BSND: variants seen among roughly 807,000 people sequenced by gnomAD.
The protein encoded by BSND is barttin.
A neutral mutation model predicts 18.8 loss-of-function variants in BSND; 13 were observed. The observed-to-expected ratio is 0.69, with a 90% CI of 0.45 to 1.10. The LOEUF (loss-of-function observed/expected upper bound fraction) is 1.10. Among genes scored for constraint, BSND ranks in the 50% least tolerant of loss-of-function variants. BSND has a pLI of 0.00. For missense variants in BSND, 379 were observed against 416.7 expected (o/e 0.91, Z 0.79); for synonymous variants, 170 against 161.8 (o/e 1.05, Z -0.39).
At position 55,012,715 on chromosome 1, in the gene BSND, G is replaced by T. The variant is rs1644428729; in HGVS notation, c.*4087G>T. Reference sequence around the variant, plus strand: ...ATGCATGTAAAAGCTTCTTGCAAGGGGTAAAGAAAGTCTGTGTGCCCAGTG... The same window carrying T: ...ATGCATGTAAAAGCTTCTTGCAAGGTGTAAAGAAAGTCTGTGTGCCCAGTG... On this transcript the variant is annotated 3_prime_UTR_variant, in exon 4 of 4. Transcript: ENST00000651561. 6.6e-6 allele frequency among the ~76,000 whole-genome samples: 1 copy of T among 152,274 alleles called. No individual in the cohort carries two copies. Among genetic ancestry groups the T allele is most frequent in the African/African-American group, 2.4e-5 (1 of 41,550 alleles).
rs1644437995 is a variant in BSND at position 55,014,218 on chromosome 1, C to T, written c.*5590C>T. ...AACAGAATTGAACCGAACCGGGTGC[C>T]CACTCTGAAGGCTCATGGCCCAGGG... On this transcript the variant is annotated 3_prime_UTR_variant, in exon 4 of 4. Transcript: ENST00000651561. 6.6e-6 allele frequency among the ~76,000 whole-genome samples: 1 copy of T among 152,166 alleles called. No individual in the cohort carries two copies. Among genetic ancestry groups the T allele is most frequent in the Non-Finnish European group, 1.5e-5 (1 of 68,024 alleles).
At chr1:55,001,700 G>A (rs996847518) in intron 1 of BSND, among the ~76,000 whole-genome samples, 1 of 152,192 alleles carries the variant, frequency 6.6e-6, no homozygotes, top group African/African-American at 2.4e-5. Context: ...AGGGGCTAGA[G>A]GTCTAGTGGG....
In BSND at chr1:55,016,204, C is replaced by T. The variant is rs1644450560; in HGVS notation, c.*7576C>T. Among the ~76,000 whole-genome samples the T allele has an allele frequency of 6.6e-6, 1 of 152,046 alleles. No individual in the cohort carries two copies. Among genetic ancestry groups the T allele is most frequent in the African/African-American group, 2.4e-5 (1 of 41,374 alleles). On this transcript the variant is annotated 3_prime_UTR_variant, in exon 4 of 4. Coordinates refer to ENST00000651561, the MANE Select transcript of BSND (RefSeq NM_057176.3). ...GTAGGAACATGTCTGAAAGAGGTTA[C>T]AGTTCCTAACGGAGAGAGAGAGACA... is the stretch of plus-strand genomic sequence containing the variant.
At chr1:55,006,437 C>T (rs1044315773) in intron 2 of BSND, among the ~76,000 whole-genome samples, 2 of 152,182 alleles carry the variant, frequency 1.3e-5, no homozygotes, top group African/African-American at 2.4e-5. Context: ...GGGTCCATGT[C>T]ACCCGGGTAC....
chr1:55,004,065 C>G (rs1644377055), intron 1 of BSND, among the ~76,000 whole-genome samples: 1 of 152,208 alleles, frequency 6.6e-6, no homozygotes, highest in South Asian at 2.1e-4. Context: ...ATGGATTTGA[C>G]TATTCCAGGT....
chr1:55,008,686 A>G lies in BSND; in HGVS notation c.*58A>G, dbSNP rs576266601. The G allele has an allele frequency of 4.8e-5, 77 of 1,612,944 alleles. No homozygotes were observed. The South Asian group carries it at 8.5e-4, about 18-fold the overall frequency. The stretch of plus-strand genomic sequence containing the variant: ...CTGCTGCTGACCCCTGTGTGACATC[A>G]CAGGGCCTCAGTTTCCCTATCTGCA... On this transcript the variant is annotated 3_prime_UTR_variant, in exon 4 of 4. Transcript: ENST00000651561.
chr1:55,006,999 CCA>C lies in BSND; in HGVS notation c.276_277del (p.Gln95AlafsTer13). On this transcript the variant is annotated frameshift_variant, in exon 3 of 4. Coordinates refer to ENST00000651561, the MANE Select transcript of BSND (RefSeq NM_057176.3). LOFTEE classifies it high-confidence loss of function. ...GCCTGTTCTCTCTCCCACTCCAGCC[CCA>C]GTCCCCAGCCGCCCTATGTAAGGCT... is the stretch of plus-strand genomic sequence containing the variant. 6.2e-7 allele frequency: 1 copy of C among 1,614,042 alleles called. No homozygotes were observed.
rs993778904 is a variant in BSND at position 55,014,782 on chromosome 1, T to C, written c.*6154T>C. 2.0e-4 allele frequency among the ~76,000 whole-genome samples: 31 copies of C among 152,210 alleles called. No individual in the cohort carries two copies. Among genetic ancestry groups the C allele is most frequent in the African/African-American group, 7.5e-4 (31 of 41,446 alleles). On this transcript the variant is annotated 3_prime_UTR_variant, in exon 4 of 4. Transcript: ENST00000651561. ...AGCAAGCCTGGTGATTCTTAAGTGC[T>C]GAAGGGCTTAGTTGTTTGTTTTTCT...
rs148085906 is a variant in BSND at position 55,008,367 on chromosome 1, G to A, written c.702G>A (p.Pro234=). 323 of 1,614,222 alleles carry A rather than the reference G, an allele frequency of 2.0e-4. 1 individual carries two copies. The highest frequency in any genetic ancestry group is 2.4e-4 in the Non-Finnish European group (288 of 1,180,038). ...PQQEPQGCRC[P]LDRFQDFALI... ...AGGAACCTCAGGGCTGCAGGTGCCC[G>A]CTGGACCGCTTCCAAGACTTTGCCC... Residue 234 remains proline, a synonymous_variant, in exon 4 of 4, where the codon CCG becomes CCA. Coordinates refer to ENST00000651561, the MANE Select transcript of BSND (RefSeq NM_057176.3).
At chr1:55,003,469 A>G (rs1465907909) in intron 1 of BSND, among the ~76,000 whole-genome samples, 1 of 152,112 alleles carries the variant, frequency 6.6e-6, no homozygotes, top group Non-Finnish European at 1.5e-5. Flanking sequence ...ATTTCTGGAC[A>G]TCTAGAGAAA....
Position 55,005,097 on chromosome 1 carries a change from C to T in BSND, c.253C>T (p.Leu85Phe), listed in dbSNP as rs1644383004. 6.2e-7 allele frequency: 1 copy of T among 1,614,172 alleles called. No homozygotes were observed. Among genetic ancestry groups the T allele is most frequent in the East Asian group, 2.2e-5 (1 of 44,870 alleles). ...PKAMGLLENGLAAEMKSPSPQ... is the reference protein window; with the variant it reads ...PKAMGLLENGFAAEMKSPSPQ... ...GGCCATGGGCCTGCTGGAGAATGGG[C>T]TTGCTGCCGAGATGAAGAGGTAGGT... Residue 85 changes from leucine (L) to phenylalanine (F), a missense_variant, in exon 2 of 4, where the codon CTT (leucine) becomes TTT (phenylalanine). Coordinates refer to ENST00000651561, the MANE Select transcript of BSND (RefSeq NM_057176.3).
chr1:55,008,336 C>CA lies in BSND; in HGVS notation c.672dup (p.Gln225ThrfsTer21). 6.2e-7 allele frequency: 1 copy of CA among 1,614,206 alleles called. No homozygotes were observed. Among genetic ancestry groups the CA allele is most frequent in the Non-Finnish European group, 8.5e-7 (1 of 1,180,030 alleles). On this transcript the variant is annotated frameshift_variant, in exon 4 of 4. Transcript: ENST00000651561. LOFTEE classifies it low-confidence loss of function (END_TRUNC). ...CATGACAGGGAGGAAGCTTGTTCCC[C>CA]ACAACAGGAACCTCAGGGCTGCAGG...
chr1:55,001,496 T>G (rs983555928), intron 1 of BSND, among the ~76,000 whole-genome samples: 3 of 152,066 alleles, frequency 2.0e-5, no homozygotes, highest in African/African-American at 7.2e-5. Flanking sequence ...GTCTCATTGG[T>G]GCCTGGGCCA....
At chr1:54,999,555 C>A (rs1001066541) in intron 1 of BSND, among the ~76,000 whole-genome samples, 192 bp downstream of exon 1, 1 of 150,204 alleles carries the variant, frequency 6.7e-6, no homozygotes, top group African/African-American at 2.5e-5. Flanking sequence ...ATCCATCCAT[C>A]CATCCCTTAG....
rs562097087 is a variant in BSND, at chr1:55,014,211, C to T, written c.*5583C>T. Among the ~76,000 whole-genome samples the T allele has an allele frequency of 5.3e-5, 8 of 152,300 alleles. No individual in the cohort carries two copies. Among genetic ancestry groups the T allele is most frequent in the African/African-American group, 1.2e-4 (5 of 41,556 alleles). On this transcript the variant is annotated 3_prime_UTR_variant, in exon 4 of 4. Transcript: ENST00000651561. Reference sequence around the variant, plus strand: ...CTGGTGGAACAGAATTGAACCGAACCGGGTGCCCACTCTGAAGGCTCATGG... The same window carrying T: ...CTGGTGGAACAGAATTGAACCGAACTGGGTGCCCACTCTGAAGGCTCATGG...
At chr1:55,006,775 G>A (rs1183301879) in intron 2 of BSND, among the ~76,000 whole-genome samples, 1 of 152,166 alleles carries the variant, frequency 6.6e-6, no homozygotes, top group Non-Finnish European at 1.5e-5. Context: ...AAAAACACTG[G>A]ATAGAGAGTC....
chr1:55,004,336 G>A (rs1478812846), intron 1 of BSND, among the ~76,000 whole-genome samples: 1 of 152,232 alleles, frequency 6.6e-6, no homozygotes, highest in Non-Finnish European at 1.5e-5. Context: ...GTTATACAGA[G>A]GAGCACAGAG....
Position 55,012,424 on chromosome 1 carries a change from CCT to C in BSND, c.*3798_*3799del, listed in dbSNP as rs1204643129. The stretch of plus-strand genomic sequence containing the variant: ...CAGAAAGACCTGGTTTTACCTTCAG[CCT>C]CAGCCAGTTCCTTGCTGTGTGGCCT... On this transcript the variant is annotated 3_prime_UTR_variant, in exon 4 of 4. Transcript: ENST00000651561. 5.4e-4 allele frequency among the ~76,000 whole-genome samples: 82 copies of C among 152,356 alleles called. 2 individuals carry two copies. The highest frequency in any genetic ancestry group is 2.0e-3 in the Admixed American group (31 of 15,312).
chr1:55,001,820 T>C (rs1644362955), intron 1 of BSND, among the ~76,000 whole-genome samples: 1 of 151,860 alleles, frequency 6.6e-6, no homozygotes. Flanking sequence ...GGAAAGACAT[T>C]CCAGGCAGAA....
Sources: gnomAD v4.1 joint callset for allele counts (sites outside exome capture counted in the v4.1 genomes callset) on GRCh38, gnomAD v4.1.1 for gene constraint, MANE v1.5 for transcripts, NCBI Gene and HGNC (gene_info 2026-07-23, HGNC 2026-07-21) for gene names.